SNX8: variants seen among roughly 807,000 people sequenced by gnomAD.
SNX8 encodes the protein sorting nexin-8.
A neutral mutation model predicts 51.6 loss-of-function variants in SNX8; 25 were observed. That is an observed-to-expected ratio of 0.48 (90% CI 0.35 to 0.68). SNX8 has a LOEUF of 0.68. Among genes scored for constraint, SNX8 ranks in the 30% least tolerant of loss-of-function variants. SNX8 has a pLI of 0.00. For missense variants in SNX8, 695 were observed against 624.0 expected, an observed-to-expected ratio of 1.11 and a Z score of -1.21; for synonymous variants, 324 against 277.0, an observed-to-expected ratio of 1.17 and a Z score of -1.68.
At chr7:2,307,483 T>G (rs1796569436) in intron 1 of SNX8, among the ~76,000 whole-genome samples, 1 of 151,670 alleles carries the variant, frequency 6.6e-6, no homozygotes, top group African/African-American at 2.4e-5. Context: ...AATACAAAAA[T>G]TAGCCAGGTG....
chr7:2,251,995 T>C lies in SNX8; in HGVS notation c.*3061A>G, dbSNP rs1301215785. 1 of 152,140 alleles carries C rather than the reference T, an allele frequency of 6.6e-6. No individual in the cohort carries two copies. The highest frequency in any genetic ancestry group is 1.5e-5 in the Non-Finnish European group (1 of 68,060). 9.4% of individuals were successfully genotyped at this position (152,140 alleles called of 1,614,324 possible). A position where few individuals can be genotyped will look rare whatever the true frequency, so the allele number is the denominator to read the frequency against. ...CCCATGTCAGAGCCCTAAACCTGTCTCCCCTGCCTGCACTGTGTCCGGCAG... is the reference window on the plus strand; with the variant it reads ...CCCATGTCAGAGCCCTAAACCTGTCCCCCCTGCCTGCACTGTGTCCGGCAG... On this transcript the variant is annotated 3_prime_UTR_variant, in exon 11 of 11. Transcript: ENST00000222990.
At chr7:2,352,869 T>C (rs1477499275) in intron 1 of SNX8, among the ~76,000 whole-genome samples, 6 of 151,998 alleles carry the variant, frequency 3.9e-5, no homozygotes, top group Non-Finnish European at 8.8e-5. Flanking sequence ...TCCCTTATTG[T>C]ACAGATGCGG....
chr7:2,314,703 C>T (rs1318291544), upstream of SNX8, among the ~76,000 whole-genome samples: 4 of 152,168 alleles, frequency 2.6e-5, no homozygotes, highest in East Asian at 7.7e-4. Flanking sequence ...CTCGCAGGTG[C>T]ACTACCTCAG....
intron 1 of SNX8, among the ~76,000 whole-genome samples, chr7:2,327,744 G>A (rs546565133): frequency 4.6e-4 from 70 of 151,598 alleles, no homozygotes; most frequent in Middle Eastern, 6.8e-3. Context: ...GGGTTTCACC[G>A]TGTTAGCCAG....
intron 2 of SNX8, among the ~76,000 whole-genome samples, chr7:2,277,665 G>C (rs2115135033): frequency 6.6e-6 from 1 of 152,212 alleles, no homozygotes; most frequent in South Asian, 2.1e-4. Context: ...AAATTTGCCA[G>C]GCGTGGTGGC....
intron 6 of SNX8, among the ~76,000 whole-genome samples, 163 bp from the exon 7 acceptor site, chr7:2,263,525 G>A (rs1020723155): frequency 1.3e-5 from 2 of 152,158 alleles, no homozygotes; most frequent in Non-Finnish European, 2.9e-5. Flanking sequence ...CTGGGAGCCC[G>A]GGAGAAAGGG....
chr7:2,253,920 C>T lies in SNX8; in HGVS notation c.*1136G>A, dbSNP rs1584656861. The T allele has an allele frequency of 6.8e-6, 1 of 146,522 alleles. No individual in the cohort carries two copies. Among genetic ancestry groups the T allele is most frequent in the Non-Finnish European group, 1.5e-5 (1 of 66,730 alleles). The allele number at this position is 146,522 out of a possible 1,614,324, so 9.1% of individuals were successfully genotyped here. ...GCCTCTTCCAGCACCCCTCCCCGGC[C>T]AGGGAGGGGCGTCAGGCTCCGGAGA... On this transcript the variant is annotated 3_prime_UTR_variant, in exon 11 of 11. Transcript: ENST00000222990.
upstream of SNX8, among the ~76,000 whole-genome samples, chr7:2,316,511 A>G: frequency 6.7e-6 from 1 of 150,352 alleles, no homozygotes; most frequent in African/African-American, 2.5e-5. Context: ...TCATTCACCC[A>G]CTCACTCACT....
chr7:2,317,761 C>G (rs757365925), upstream of SNX8, among the ~76,000 whole-genome samples: 5 of 152,074 alleles, frequency 3.3e-5, no homozygotes, highest in Non-Finnish European at 7.4e-5. Flanking sequence ...ATAGGGTCCC[C>G]GCACACCAGG....
intron 1 of SNX8, among the ~76,000 whole-genome samples, chr7:2,341,367 C>T (rs1031672890): frequency 6.6e-6 from 1 of 151,364 alleles, no homozygotes; most frequent in African/African-American, 2.4e-5. Flanking sequence ...GGTGTGGTGG[C>T]AGGTGCCTGT....
At chr7:2,322,282 C>T (rs1468599908) in intron 1 of SNX8, among the ~76,000 whole-genome samples, 5 of 152,176 alleles carry the variant, frequency 3.3e-5, no homozygotes, top group Admixed American at 3.3e-4. Flanking sequence ...CCTATAATTG[C>T]AGTGCTTTGG....
intron 1 of SNX8, among the ~76,000 whole-genome samples, chr7:2,346,091 G>A (rs986632702): frequency 3.3e-5 from 5 of 152,112 alleles, no homozygotes; most frequent in Non-Finnish European, 7.3e-5. Flanking sequence ...ACAGGCGTGA[G>A]CCACCACACC....
intron 9 of SNX8, 61 bp from the exon 10 acceptor site, chr7:2,257,084 C>A: frequency 6.6e-7 from 1 of 1,513,044 alleles, no homozygotes; most frequent in Non-Finnish European, 8.9e-7. Context: ...CACCAAGGCC[C>A]GAACACCAGC....
At chr7:2,351,242 C>G (rs1256993794) in intron 1 of SNX8, among the ~76,000 whole-genome samples, 1 of 152,220 alleles carries the variant, frequency 6.6e-6, no homozygotes, top group Non-Finnish European at 1.5e-5. Flanking sequence ...TTTCCCACTC[C>G]TTCACCTCAG....
upstream of SNX8, chr7:2,354,450 G>C (rs1447042620): frequency 6.6e-6 from 1 of 152,210 alleles, no homozygotes; most frequent in Non-Finnish European, 1.5e-5. Context: ...CTCTTCCAGG[G>C]TATTAACTGT....
At chr7:2,291,782 C>G (rs551654219) in intron 1 of SNX8, among the ~76,000 whole-genome samples, 6 of 152,174 alleles carry the variant, frequency 3.9e-5, no homozygotes, top group Non-Finnish European at 8.8e-5. Flanking sequence ...CCTTCACACT[C>G]CTACAACTGG....
chr7:2,306,061 C>T (rs534869531), intron 1 of SNX8, among the ~76,000 whole-genome samples: 2 of 152,308 alleles, frequency 1.3e-5, no homozygotes, highest in African/African-American at 4.8e-5. Context: ...AGTCTTATCC[C>T]TTATCAGGCT....
chr7:2,343,794 C>T (rs1040220034), intron 1 of SNX8, among the ~76,000 whole-genome samples: 2 of 151,280 alleles, frequency 1.3e-5, no homozygotes, highest in African/African-American at 4.9e-5. Context: ...CAAAGGGGGC[C>T]GATCACTTGA....
At chr7:2,311,814 G>A (rs1304717212) in intron 1 of SNX8, among the ~76,000 whole-genome samples, 1 of 151,962 alleles carries the variant, frequency 6.6e-6, no homozygotes, top group Non-Finnish European at 1.5e-5. Context: ...GCGGGCGCCT[G>A]TAGTCCCAGC....
Sources: allele counts gnomAD v4.1 joint callset (sites outside exome capture counted in the v4.1 genomes callset), GRCh38; gene constraint gnomAD v4.1.1; transcripts MANE v1.5; gene names NCBI Gene and HGNC (gene_info 2026-07-23, HGNC 2026-07-21).